Variants in PID1 observed in about 807,000 individuals in gnomAD.
PID1 encodes PTB-containing, cubilin and LRP1-interacting protein.
Under a neutral mutation model 19.1 loss-of-function variants are expected in PID1, and 10 were observed. The ratio of observed to expected loss-of-function variants is 0.52; its 90% CI spans 0.32 to 0.89. PID1 has a LOEUF of 0.89. PID1 is among the 40% of genes least tolerant of loss of function. The probability of loss-of-function intolerance (pLI) is 0.03; values close to 1 mark genes in which losing one functional copy is unlikely to be tolerated. For synonymous variants in PID1, 130 were observed against 116.0 expected (o/e 1.12, Z -0.78); for missense variants, 248 against 285.3 (o/e 0.87, Z 0.94).
intron 2 of PID1, among the ~76,000 whole-genome samples, chr2:229,040,195 G>A (rs1054522611): frequency 6.6e-6 from 1 of 150,922 alleles, no homozygotes; most frequent in African/African-American, 2.4e-5. Flanking sequence ...GAGGAGGGCG[G>A]ATCACCTGAG....
chr2:229,172,528 T>G (rs1685496550), intron 1 of PID1, among the ~76,000 whole-genome samples: 2 of 152,120 alleles, frequency 1.3e-5, no homozygotes, highest in Admixed American at 1.3e-4. Context: ...GGCCTGCATT[T>G]CTTCACACCC....
At chr2:229,202,558 T>C (rs1691520309) in intron 1 of PID1, among the ~76,000 whole-genome samples, 1 of 152,020 alleles carries the variant, frequency 6.6e-6, no homozygotes, top group African/African-American at 2.4e-5. Context: ...AGTTGCCTGA[T>C]GTACTGTTCA....
intron 2 of PID1, among the ~76,000 whole-genome samples, chr2:229,075,433 C>G (rs1180401703): frequency 6.6e-6 from 1 of 152,156 alleles, no homozygotes; most frequent in African/African-American, 2.4e-5. Context: ...GTCATGCCCA[C>G]CACATATCAG....
At chr2:229,139,367 T>A (rs902312549) in intron 2 of PID1, among the ~76,000 whole-genome samples, 6 of 152,166 alleles carry the variant, frequency 3.9e-5, no homozygotes, top group Admixed American at 6.5e-5. Flanking sequence ...GACTACAGAT[T>A]AATGAGCTAG....
At chr2:229,193,806 A>C (rs1411687790) in intron 1 of PID1, among the ~76,000 whole-genome samples, 1 of 151,950 alleles carries the variant, frequency 6.6e-6, no homozygotes, top group African/African-American at 2.4e-5. Context: ...AGACCTTTCA[A>C]AGTAATTTAT....
At chr2:229,088,541 C>G (rs570956642) in intron 2 of PID1, among the ~76,000 whole-genome samples, 1 of 152,080 alleles carries the variant, frequency 6.6e-6, no homozygotes, top group Admixed American at 6.5e-5. Context: ...AGAAACCAGA[C>G]CTCTTCACAA....
At chr2:229,112,535 G>T (rs975853337) in intron 2 of PID1, among the ~76,000 whole-genome samples, 8 of 152,070 alleles carry the variant, frequency 5.3e-5, no homozygotes. Flanking sequence ...GCCCAGGCTG[G>T]AGTGCAGTGG....
chr2:229,254,330 G>T (rs1690235125), intron 1 of PID1, among the ~76,000 whole-genome samples: 1 of 152,146 alleles, frequency 6.6e-6, no homozygotes, highest in Non-Finnish European at 1.5e-5. Context: ...TACATAAACA[G>T]TCTTAGCATT....
chr2:229,269,399 C>T (rs962164866), intron 1 of PID1, among the ~76,000 whole-genome samples: 3 of 152,210 alleles, frequency 2.0e-5, no homozygotes, highest in Admixed American at 6.5e-5. Context: ...TGCTCCAGAG[C>T]GCACAGGATT....
chr2:229,074,268 G>A (rs1274162836), intron 2 of PID1, among the ~76,000 whole-genome samples: 1 of 152,014 alleles, frequency 6.6e-6, no homozygotes, highest in African/African-American at 2.4e-5. Flanking sequence ...CTGGGAAAGA[G>A]ACCTGTCCCC....
intron 2 of PID1, among the ~76,000 whole-genome samples, chr2:229,140,171 T>C (rs1391654517): frequency 6.6e-6 from 1 of 152,196 alleles, no homozygotes; most frequent in Admixed American, 6.5e-5. Flanking sequence ...TTTCTATTTA[T>C]AGTTATTTTT....
At chr2:229,149,980 A>C (rs1690215209) in intron 2 of PID1, among the ~76,000 whole-genome samples, 2 of 152,086 alleles carry the variant, frequency 1.3e-5, no homozygotes, top group South Asian at 2.1e-4. Context: ...GCTCAGGTCT[A>C]TAATCTCAGC....
intron 1 of PID1, among the ~76,000 whole-genome samples, chr2:229,257,149 T>C (rs1690322564): frequency 6.6e-6 from 1 of 152,212 alleles, no homozygotes; most frequent in African/African-American, 2.4e-5. Context: ...CTAAAGGGCA[T>C]TGTTTTTCCA....
intron 1 of PID1, among the ~76,000 whole-genome samples, chr2:229,165,007 G>A (rs1690569887): frequency 6.6e-6 from 1 of 152,206 alleles, no homozygotes; most frequent in African/African-American, 2.4e-5. Flanking sequence ...GAGTGCTGGT[G>A]CTCACACAGG....
Position 229,027,679 on chromosome 2 carries a change from G to A in PID1, c.178-1571C>T, listed in dbSNP as rs568861889. ...ACTACATAGGAGCCCAGCAAGTCAA[G>A]GTGCTAAAAAGGAGGAGGGAAACAG... On this transcript the variant is annotated intron_variant, in intron 2 of 2. Coordinates refer to ENST00000392055, the MANE Select transcript of PID1 (RefSeq NM_001100818.2). 2.6e-5 allele frequency among the ~76,000 whole-genome samples: 4 copies of A among 152,310 alleles called. No homozygotes were observed. In the South Asian group the frequency reaches 6.2e-4, roughly 24 times the overall value.
At chr2:229,098,571 G>C (rs748020010) in intron 2 of PID1, among the ~76,000 whole-genome samples, 12 of 152,070 alleles carry the variant, frequency 7.9e-5, no homozygotes, top group Non-Finnish European at 1.6e-4. Context: ...AATAGTAGCT[G>C]CTCTTTCCTG....
intron 2 of PID1, among the ~76,000 whole-genome samples, chr2:229,098,597 A>C (rs1481080270): frequency 6.6e-6 from 1 of 152,166 alleles, no homozygotes; most frequent in South Asian, 2.1e-4. Flanking sequence ...GGGGGGGAAG[A>C]AATTAGGATA....
At chr2:229,068,173 C>A (rs535289004) in intron 2 of PID1, among the ~76,000 whole-genome samples, 1 of 152,162 alleles carries the variant, frequency 6.6e-6, no homozygotes, top group African/African-American at 2.4e-5. Context: ...AATTGTAGAA[C>A]CAAACTACCC....
chr2:229,245,343 A>T (rs1160571487), intron 1 of PID1, among the ~76,000 whole-genome samples: 1 of 152,142 alleles, frequency 6.6e-6, no homozygotes, highest in African/African-American at 2.4e-5. Context: ...AGTGGTGGAT[A>T]TAAGCTCAAG....
Sources: gnomAD v4.1 joint callset for allele counts (sites outside exome capture counted in the v4.1 genomes callset) on GRCh38, gnomAD v4.1.1 for gene constraint, MANE v1.5 for transcripts, NCBI Gene and HGNC (gene_info 2026-07-23, HGNC 2026-07-21) for gene names.